IFIT5: variants seen among roughly 807,000 people sequenced by gnomAD.
IFIT5 encodes the protein interferon-induced protein with tetratricopeptide repeats 5.
In IFIT5, 2 loss-of-function variants were observed where a neutral mutation model predicts 5.0. That is an observed-to-expected ratio of 0.40 (90% CI 0.16 to 1.26). The LOEUF is 1.26. IFIT5 is among the 50% of genes most tolerant of loss of function. The probability of loss-of-function intolerance (pLI) is 0.33; values close to 1 mark genes in which losing one functional copy is unlikely to be tolerated. For synonymous variants in IFIT5, 206 were observed against 204.6 expected (o/e 1.01, Z -0.06); for missense variants, 524 against 563.2 (o/e 0.93, Z 0.70).
rs1379015545 is a variant in IFIT5, at chr10:89,417,798, C to T, written c.599C>T (p.Ser200Phe). 2 of 1,614,078 alleles carry T rather than the reference C, an allele frequency of 1.2e-6. No homozygotes were observed. Among genetic ancestry groups the T allele is most frequent in the East Asian group, 4.5e-5 (2 of 44,896 alleles). Residue 200 changes from serine (S) to phenylalanine (F), a missense_variant, in exon 2 of 2, where the codon TCT becomes TTT. Transcript: ENST00000371795. ...AGAGAAGGGTCTGTAAAGAGCTTTTCTCTGGGGCCTTTGAGAAAGGCTGTT... is the reference window on the plus strand; with the variant it reads ...AGAGAAGGGTCTGTAAAGAGCTTTTTTCTGGGGCCTTTGAGAAAGGCTGTT... ...SDREGSVKSF[S>F]LGPLRKAVTL... is the part of the protein sequence containing the mutation.
In IFIT5 at chr10:89,418,501, T is replaced by A. The variant is rs1303592403; in HGVS notation, c.1302T>A (p.Asp434Glu). 1.2e-6 allele frequency: 2 copies of A among 1,614,092 alleles called. No individual in the cohort carries two copies. The highest frequency in any genetic ancestry group is 1.1e-5 in the South Asian group (1 of 91,088). ...STKRLCHNALDVQSLSALGFV... is the reference protein window; with the variant it reads ...STKRLCHNALEVQSLSALGFV... ...AGAGACTTTGTCACAATGCTTTAGA[T>A]GTGCAGAGTTTAAGTGCCCTAGGGT... Residue 434 changes from aspartate to glutamate, a missense_variant, in exon 2 of 2, where the codon GAT becomes GAA. Asp to Glu is a conservative substitution (Grantham distance 45). Transcript: ENST00000371795.
At position 89,414,826 on chromosome 10, in the gene IFIT5, C is replaced by T. The variant is rs1049616784; in HGVS notation, c.5+23C>T. 3.1e-6 allele frequency: 5 copies of T among 1,607,616 alleles called. No homozygotes were observed. In the Admixed American group the frequency reaches 5.0e-5, roughly 16 times the overall value. ...GAGGTAAGGGTTTTCCTTTGCCTCT[C>T]CTCCCAAGCCCTGCGTCGGCCTTGG... On this transcript the variant is annotated intron_variant, in intron 1 of 1. Transcript: ENST00000371795.
Position 89,418,438 on chromosome 10 carries a change from C to G in IFIT5, c.1239C>G (p.Arg413=). Residue 413 remains arginine (R), a synonymous_variant, in exon 2 of 2, where the codon CGC becomes CGG. Transcript: ENST00000371795. ...AGGTCAAAGACAGATCACCCCTTCGCACCAAACTGACAAGTGCTCTGAAGA... is the reference window on the plus strand; with the variant it reads ...AGGTCAAAGACAGATCACCCCTTCGGACCAAACTGACAAGTGCTCTGAAGA... ...ALKVKDRSPL[R]TKLTSALKKL... 1 of 1,614,218 alleles carries G rather than the reference C, an allele frequency of 6.2e-7. No individual in the cohort carries two copies. Among genetic ancestry groups the G allele is most frequent in the Non-Finnish European group, 8.5e-7 (1 of 1,180,028 alleles).
rs766441418 is a variant in IFIT5, at chr10:89,418,951, A to G, written c.*303A>G. On this transcript the variant is annotated 3_prime_UTR_variant, in exon 2 of 2. Transcript: ENST00000371795. Reference sequence around the variant, plus strand: ...TGTGCTTTTTATCTCTGCTCTTTGAATTTCTCATATTATATAGTAAATATA... The same window carrying G: ...TGTGCTTTTTATCTCTGCTCTTTGAGTTTCTCATATTATATAGTAAATATA... 9.7e-6 allele frequency: 2 copies of G among 206,588 alleles called. No individual in the cohort carries two copies. Among genetic ancestry groups the G allele is most frequent in the Non-Finnish European group, 1.9e-5 (2 of 103,082 alleles). The allele number at this position is 206,588 out of a possible 1,614,324, so 12.8% of individuals were successfully genotyped here.
At chr10:89,416,540 T>C (rs1003748075) in intron 1 of IFIT5, among the ~76,000 whole-genome samples, 17 of 152,364 alleles carry the variant, frequency 1.1e-4, no homozygotes, top group African/African-American at 4.1e-4. Context: ...ATAAAAATTC[T>C]CATGGTGTCC....
chr10:89,416,326 C>T (rs915559783), intron 1 of IFIT5, among the ~76,000 whole-genome samples: 2 of 152,148 alleles, frequency 1.3e-5, no homozygotes, highest in Non-Finnish European at 2.9e-5. Flanking sequence ...AAGACGGTGG[C>T]GTGCACCGTA....
In IFIT5 at chr10:89,417,698, C is replaced by G. The variant is rs1359183680; in HGVS notation, c.499C>G (p.Leu167Val). The G allele has an allele frequency of 6.2e-7, 1 of 1,614,176 alleles. No individual in the cohort carries two copies. The highest frequency in any genetic ancestry group is 8.5e-7 in the Non-Finnish European group (1 of 1,180,030). Reference sequence around the variant, plus strand: ...GGCTAAAGCGGCTTTTGAGAAGGCTCTGGAAGTGGAGCCTGACAATCCAGA... The same window carrying G: ...GGCTAAAGCGGCTTTTGAGAAGGCTGTGGAAGTGGAGCCTGACAATCCAGA... ...QKAKAAFEKA[L>V]EVEPDNPEFN... Residue 167 changes from leucine to valine, a missense_variant, in exon 2 of 2, where the codon CTG becomes GTG. By Grantham distance (32) the Leu-to-Val change is conservative. Transcript: ENST00000371795.
At chr10:89,414,930 A>G in intron 1 of IFIT5, 127 bp downstream of exon 1, 2 of 1,254,474 alleles carry the variant, frequency 1.6e-6, no homozygotes, top group Non-Finnish European at 2.2e-6. Context: ...GCGCCCAGCA[A>G]CCGGGCATCT....
At position 89,417,746 on chromosome 10, in the gene IFIT5, A is replaced by G; in HGVS notation, c.547A>G (p.Thr183Ala). 6.2e-6 allele frequency: 10 copies of G among 1,614,212 alleles called. No homozygotes were observed. The highest frequency in any genetic ancestry group is 8.5e-6 in the Non-Finnish European group (10 of 1,180,026). Reference protein sequence around the residue: ...NPEFNIGYAITVYRLDDSDRE... With the variant: ...NPEFNIGYAIAVYRLDDSDRE... The stretch of plus-strand genomic sequence containing the variant: ...AGAATTTAACATCGGCTATGCTATC[A>G]CAGTGTATCGGCTGGATGATTCTGA... The change falls in exon 2 of 2, where the codon ACA becomes GCA. Residue 183 changes from threonine (T) to alanine (A), a missense_variant. Transcript: ENST00000371795.
Position 89,419,804 on chromosome 10 carries a change from T to C in IFIT5, c.*1156T>C, listed in dbSNP as rs1392584367. ...ACTTTTTAATTCGGATGTTACTTAA[T>C]GTGGCTTCTCTAATGTAGTTTCTTT... On this transcript the variant is annotated 3_prime_UTR_variant, in exon 2 of 2. Coordinates refer to ENST00000371795, the MANE Select transcript of IFIT5 (RefSeq NM_012420.3). 6.6e-6 allele frequency: 1 copy of C among 152,194 alleles called. No homozygotes were observed. Among genetic ancestry groups the C allele is most frequent in the East Asian group, 1.9e-4 (1 of 5,196 alleles). The allele number at this position is 152,194 out of a possible 1,614,324, so 9.4% of individuals were successfully genotyped here. A position where few individuals can be genotyped will look rare whatever the true frequency, so the allele number is the denominator to read the frequency against.
In IFIT5 at chr10:89,414,641, C is replaced by G; in HGVS notation, c.-158C>G. 1 of 702,740 alleles carries G rather than the reference C, an allele frequency of 1.4e-6. No individual in the cohort carries two copies. The highest frequency in any genetic ancestry group is 2.3e-5 in the South Asian group (1 of 43,870). The allele number at this position is 702,740 out of a possible 1,614,324, so 43.5% of individuals were successfully genotyped here. A position where few individuals can be genotyped will look rare whatever the true frequency, so the allele number is the denominator to read the frequency against. On this transcript the variant is annotated 5_prime_UTR_variant, in exon 1 of 2. Transcript: ENST00000371795. Reference sequence around the variant, plus strand: ...GCTGGGGCTGGGGTCTCTCCTTTAACAAAGACACGCCGCGCGGCCGAGTCC... The same window carrying G: ...GCTGGGGCTGGGGTCTCTCCTTTAAGAAAGACACGCCGCGCGGCCGAGTCC...
chr10:89,416,510 A>T (rs2133652482), intron 1 of IFIT5, among the ~76,000 whole-genome samples: 2 of 152,368 alleles, frequency 1.3e-5, no homozygotes, highest in South Asian at 4.1e-4. Flanking sequence ...TTACAAAATT[A>T]AGTAGACAAA....
chr10:89,418,196 C>T lies in IFIT5; in HGVS notation c.997C>T (p.Arg333Ter), dbSNP rs747404756. The T allele has an allele frequency of 8.7e-6, 14 of 1,614,166 alleles. No individual in the cohort carries two copies. Among genetic ancestry groups the T allele is most frequent in the East Asian group, 2.2e-5 (1 of 44,882 alleles). ...AIFHFKAAME[R>*]DSMFAFAYTD... ...ATTTCATTTCAAAGCAGCCATGGAA[C>T]GAGACTCTATGTTTGCATTTGCCTA... The change falls in exon 2 of 2, where the codon CGA becomes TGA. Residue 333 changes from arginine to a stop codon, truncating the protein, a stop_gained. Transcript: ENST00000371795. LOFTEE classifies it low-confidence loss of function (END_TRUNC).
chr10:89,418,399 T>C lies in IFIT5; in HGVS notation c.1200T>C (p.Tyr400=), dbSNP rs1218760196. The C allele has an allele frequency of 6.2e-7, 1 of 1,614,100 alleles. No homozygotes were observed. Among genetic ancestry groups the C allele is most frequent in the East Asian group, 2.2e-5 (1 of 44,894 alleles). The part of the protein sequence containing the change: ...RKSENTAIHH[Y]LEALKVKDRS... Reference sequence around the variant, plus strand: ...CAGAAAATACTGCCATCCATCATTATTTAGAAGCCTTAAAGGTCAAAGACA... The same window carrying C: ...CAGAAAATACTGCCATCCATCATTACTTAGAAGCCTTAAAGGTCAAAGACA... The change falls in exon 2 of 2, where the codon TAT becomes TAC. Residue 400 remains tyrosine, a synonymous_variant. Transcript: ENST00000371795.
At position 89,418,416 on chromosome 10, in the gene IFIT5, TCAAAGA is replaced by T; in HGVS notation, c.1220_1225del (p.Lys407_Asp408del). The T allele has an allele frequency of 2.5e-6, 4 of 1,614,102 alleles. No individual in the cohort carries two copies. Among genetic ancestry groups the T allele is most frequent in the Non-Finnish European group, 2.5e-6 (3 of 1,180,002 alleles). The stretch of plus-strand genomic sequence containing the variant: ...CATCATTATTTAGAAGCCTTAAAGG[TCAAAGA>T]CAGATCACCCCTTCGCACCAAACTG... On this transcript the variant is annotated inframe_deletion, in exon 2 of 2. Coordinates refer to ENST00000371795, the MANE Select transcript of IFIT5 (RefSeq NM_012420.3).
In IFIT5 at chr10:89,420,042, AG is replaced by A. The variant is rs1250407336; in HGVS notation, c.*1395del. 6.6e-6 allele frequency: 1 copy of A among 152,110 alleles called. No individual in the cohort carries two copies. Among genetic ancestry groups the A allele is most frequent in the Non-Finnish European group, 1.5e-5 (1 of 68,004 alleles). 9.4% of individuals were successfully genotyped at this position (152,110 alleles called of 1,614,324 possible). A position where few individuals can be genotyped will look rare whatever the true frequency, so the allele number is the denominator to read the frequency against. On this transcript the variant is annotated 3_prime_UTR_variant, in exon 2 of 2. Transcript: ENST00000371795. Reference sequence around the variant, plus strand: ...GTAAATTTCAAAAAAAAATTACAAAAGTATGTGAATTTAAAAATGAGAGCAG... The same window carrying A: ...GTAAATTTCAAAAAAAAATTACAAAATATGTGAATTTAAAAATGAGAGCAG...
chr10:89,414,861 G>A lies in IFIT5; in HGVS notation c.5+58G>A. ...CCTGCGTCGGCCTTGGTTTCAAACC[G>A]GGCTGCTTTTATTCATTTCCAGCGC... On this transcript the variant is annotated intron_variant, in intron 1 of 1. Coordinates refer to ENST00000371795, the MANE Select transcript of IFIT5 (RefSeq NM_012420.3). 1.9e-6 allele frequency: 3 copies of A among 1,591,658 alleles called. No homozygotes were observed. The South Asian group carries it at 3.4e-5, about 18-fold the overall frequency.
intron 1 of IFIT5, among the ~76,000 whole-genome samples, chr10:89,416,733 T>A (rs551914815): frequency 1.3e-5 from 2 of 152,330 alleles, no homozygotes; most frequent in South Asian, 4.1e-4. Flanking sequence ...GCCATGTTGT[T>A]GTGGATTTAA....
Position 89,418,728 on chromosome 10 carries a change from TC to T in IFIT5, c.*83del. 1 of 1,381,836 alleles carries T rather than the reference TC, an allele frequency of 7.2e-7. No homozygotes were observed. The highest frequency in any genetic ancestry group is 9.8e-7 in the Non-Finnish European group (1 of 1,016,300). The allele number at this position is 1,381,836 out of a possible 1,614,324, so 85.6% of individuals were successfully genotyped here. ...GTTTGTTTTTTTTTTATTATTTTAA[TC>T]CCTTGTTTATTATAGAGCTAATATT... On this transcript the variant is annotated 3_prime_UTR_variant, in exon 2 of 2. Transcript: ENST00000371795.
Sources: gnomAD v4.1 joint callset for allele counts (sites outside exome capture counted in the v4.1 genomes callset) on GRCh38, gnomAD v4.1.1 for gene constraint, MANE v1.5 for transcripts, NCBI Gene and HGNC (gene_info 2026-07-23, HGNC 2026-07-21) for gene names.